The following BRDT variants were observed in gnomAD, a reference collection of about 807,000 sequenced individuals.
BRDT encodes the protein bromodomain testis-specific protein.
Under a neutral mutation model 113.9 loss-of-function variants are expected in BRDT, and 77 were observed. The ratio of observed to expected loss-of-function variants is 0.68; its 90% CI spans 0.56 to 0.82. The LOEUF is 0.82. Among genes scored for constraint, BRDT ranks in the 40% least tolerant of loss-of-function variants. The pLI, the probability that BRDT is intolerant of heterozygous loss-of-function variation, is 0.00. For missense variants in BRDT, 1,027 were observed against 1,105.4 expected, an observed-to-expected ratio of 0.93 and a Z score of 1.01; for synonymous variants, 358 against 366.5, an observed-to-expected ratio of 0.98 and a Z score of 0.26.
At chr1:91,967,733 A>G (rs1683218769) in intron 3 of BRDT, among the ~76,000 whole-genome samples, 1 of 152,038 alleles carries the variant, frequency 6.6e-6, no homozygotes, top group Non-Finnish European at 1.5e-5. Context: ...GGGTTTCTCC[A>G]TGTTGGTCAG....
chr1:92,001,691 T>C (rs1352935648), intron 15 of BRDT, among the ~76,000 whole-genome samples: 1 of 147,750 alleles, frequency 6.8e-6, no homozygotes, highest in Non-Finnish European at 1.5e-5. Context: ...AGCAAGACCC[T>C]CTCCCCGCAA....
At chr1:92,000,142 T>C (rs1262387137) in intron 15 of BRDT, among the ~76,000 whole-genome samples, 1 of 152,244 alleles carries the variant, frequency 6.6e-6, no homozygotes, top group Non-Finnish European at 1.5e-5. Context: ...CCTCCCAAAG[T>C]GCTGGGATTG....
chr1:91,981,227 T>C, intron 10 of BRDT, 41 bp from the exon 11 acceptor site: 2 of 1,608,896 alleles, frequency 1.2e-6, no homozygotes, highest in Non-Finnish European at 1.7e-6. Context: ...TTTATGTTGG[T>C]TTTTGGTTAT....
chr1:91,981,408 A>T (rs1294013956), intron 11 of BRDT, 27 bp downstream of exon 11: 3 of 1,501,802 alleles, frequency 2.0e-6, no homozygotes, highest in Middle Eastern at 1.8e-4. Context: ...GTTTGTTTGT[A>T]TGTATGTATG....
chr1:91,988,969 C>T (rs867142564), intron 12 of BRDT, among the ~76,000 whole-genome samples: 3 of 151,706 alleles, frequency 2.0e-5, no homozygotes, highest in South Asian at 4.2e-4. Context: ...TTCCTTGATG[C>T]CTTTTGCTAA....
intron 13 of BRDT, 64 bp from the exon 14 acceptor site, chr1:91,992,198 AAG>A (rs1387320613): frequency 3.3e-6 from 3 of 904,028 alleles, no homozygotes; most frequent in South Asian, 4.7e-5. Flanking sequence ...ATTTGTGAAA[AAG>A]AAATATAATC....
At chr1:91,980,546 C>A (rs964450181) in intron 8 of BRDT, 97 bp from the exon 9 acceptor site, 5 of 1,065,960 alleles carry the variant, frequency 4.7e-6, no homozygotes, top group South Asian at 2.9e-5. Flanking sequence ...ATGAATTTCA[C>A]AAAAGACATT....
Position 91,965,086 on chromosome 1 carries a change from C to G in BRDT, c.330+322C>G, listed in dbSNP as rs1364153005. Among the ~76,000 whole-genome samples the G allele has an allele frequency of 2.6e-5, 4 of 151,342 alleles. No individual in the cohort carries two copies. In the South Asian group the frequency reaches 8.4e-4, roughly 32 times the overall value. On this transcript the variant is annotated intron_variant, in intron 3 of 18. Coordinates refer to ENST00000399546, the MANE Select transcript of BRDT (RefSeq NM_207189.4). The stretch of plus-strand genomic sequence containing the variant: ...AACCTGCCTGGCTAATTTTTTGTAT[C>G]TTTTTTTAGTAGAGATGGGGTTTTA...
chr1:91,966,465 C>G (rs1683070779), intron 3 of BRDT, among the ~76,000 whole-genome samples: 1 of 152,134 alleles, frequency 6.6e-6, no homozygotes, highest in African/African-American at 2.4e-5. Context: ...CTCCTGGGCT[C>G]AAGTGATACT....
chr1:92,012,438 A>G (rs1277840812), intron 18 of BRDT, among the ~76,000 whole-genome samples: 6 of 152,266 alleles, frequency 3.9e-5, no homozygotes, highest in African/African-American at 1.4e-4. Flanking sequence ...CAACCTTTAA[A>G]TAAAAACAGG....
At chr1:92,004,797 C>A (rs1163605515) in intron 17 of BRDT, among the ~76,000 whole-genome samples, 178 bp downstream of exon 17, 1 of 152,072 alleles carries the variant, frequency 6.6e-6, no homozygotes, top group Non-Finnish European at 1.5e-5. Context: ...CTTTTGAAGA[C>A]AAATAATCAA....
At chr1:91,976,961 C>T in intron 5 of BRDT, 82 bp from the exon 6 acceptor site, 1 of 1,129,694 alleles carries the variant, frequency 8.9e-7, no homozygotes, top group Non-Finnish European at 1.2e-6. Flanking sequence ...TAATCTTTCC[C>T]TTTTTTTCTT....
At chr1:91,961,458 T>C in intron 1 of BRDT, among the ~76,000 whole-genome samples, 1 of 152,064 alleles carries the variant, frequency 6.6e-6, no homozygotes, top group East Asian at 1.9e-4. Flanking sequence ...GTTGAAACCC[T>C]GTCTCTACAA....
intron 13 of BRDT, 43 bp downstream of exon 13, chr1:91,991,288 A>T: frequency 8.3e-7 from 1 of 1,202,526 alleles, no homozygotes; most frequent in Non-Finnish European, 1.2e-6. Flanking sequence ...AAAAGTATGT[A>T]TAACTCATGG....
At position 91,991,205 on chromosome 1, in the gene BRDT, A is replaced by G; in HGVS notation, c.2024A>G (p.Glu675Gly). 6.5e-7 allele frequency: 1 copy of G among 1,542,460 alleles called. No individual in the cohort carries two copies. Among genetic ancestry groups the G allele is most frequent in the Middle Eastern group, 1.7e-4 (1 of 5,752 alleles). Residue 675 changes from glutamate (E) to glycine (G), a missense_variant, in exon 13 of 19, where the codon GAA (glutamate) becomes GGA (glycine). By Grantham distance (98) the Glu-to-Gly change is moderately conservative (BLOSUM62 -2). Transcript: ENST00000399546. ...GCAGAAATGTTCCCTAAGTTTACAG[A>G]AGTAAAACCAAATGATTCTCCTTCT... is the stretch of plus-strand genomic sequence containing the variant. Reference protein sequence around the residue: ...SESEMFPKFTEVKPNDSPSKE... With the variant: ...SESEMFPKFTGVKPNDSPSKE...
chr1:91,977,169 A>C lies in BRDT; in HGVS notation c.745A>C (p.Met249Leu). ...GGCACTGCCACCTATAAAAGAAAAT[A>C]TGCCAAAGAATGTTTTGCCAGATTC... ...SVALPPIKENMPKNVLPDSQQ... is the reference protein window; with the variant it reads ...SVALPPIKENLPKNVLPDSQQ... Residue 249 changes from methionine (M) to leucine (L), a missense_variant, in exon 6 of 19, where the codon ATG becomes CTG. Transcript: ENST00000399546. 3 of 1,614,090 alleles carry C rather than the reference A, an allele frequency of 1.9e-6. No individual in the cohort carries two copies. In the South Asian group the frequency reaches 3.3e-5, roughly 18 times the overall value.
At chr1:91,989,002 A>G (rs1685529697) in intron 12 of BRDT, among the ~76,000 whole-genome samples, 1 of 151,072 alleles carries the variant, frequency 6.6e-6, no homozygotes, top group African/African-American at 2.4e-5. Context: ...TTGAGGTGCT[A>G]AGGTTTTGGG....
intron 18 of BRDT, among the ~76,000 whole-genome samples, chr1:92,010,354 C>G (rs1687691901): frequency 7.0e-6 from 1 of 142,080 alleles, no homozygotes; most frequent in South Asian, 2.3e-4. Flanking sequence ...TCACTGCAAC[C>G]TCTGCCTCCT....
At chr1:91,978,079 T>G in intron 6 of BRDT, 89 bp from the exon 7 acceptor site, 2 of 1,240,302 alleles carry the variant, frequency 1.6e-6, no homozygotes, top group Non-Finnish European at 1.1e-6. Flanking sequence ...TATATTTGAA[T>G]TATTTTGTAA....
Sources: allele counts gnomAD v4.1 joint callset (sites outside exome capture counted in the v4.1 genomes callset), GRCh38; gene constraint gnomAD v4.1.1; transcripts MANE v1.5; gene names NCBI Gene and HGNC (gene_info 2026-07-23, HGNC 2026-07-21).